Variants in SOBP observed in about 807,000 individuals in gnomAD.
SOBP encodes the protein sine oculis binding protein homolog.
Under a neutral mutation model 53.6 loss-of-function variants are expected in SOBP, and 4 were observed. The observed-to-expected ratio is 0.07, with a 90% confidence interval of 0.04 to 0.17. The LOEUF is 0.17. Among genes scored for constraint, SOBP ranks in the 10% least tolerant of loss-of-function variants. The pLI is 1.00. For missense variants in SOBP, 1,088 were observed against 1,204.7 expected (o/e 0.90, Z 1.43); for synonymous variants, 584 against 522.6 (o/e 1.12, Z -1.60).
chr6:107,643,544 G>A (rs922661576), intron 6 of SOBP, among the ~76,000 whole-genome samples: 36 of 152,076 alleles, frequency 2.4e-4, no homozygotes, highest in Non-Finnish European at 1.5e-5. Context: ...AGCCTCCCAA[G>A]TAGCTGGGAT....
chr6:107,519,193 G>A (rs1418174772), intron 3 of SOBP, among the ~76,000 whole-genome samples: 1 of 148,108 alleles, frequency 6.8e-6, no homozygotes, highest in Non-Finnish European at 1.5e-5. Context: ...GTGTGACTTG[G>A]CCCCCAGGGG....
At chr6:107,633,240 G>C (rs1258493689) in intron 5 of SOBP, among the ~76,000 whole-genome samples, 2 of 152,108 alleles carry the variant, frequency 1.3e-5, no homozygotes, top group African/African-American at 4.8e-5. Context: ...CCTTTTCTCA[G>C]AACCATCTTT....
chr6:107,504,098 C>T (rs1782916129), intron 2 of SOBP, among the ~76,000 whole-genome samples: 1 of 152,228 alleles, frequency 6.6e-6, no homozygotes, highest in Non-Finnish European at 1.5e-5. Context: ...TGTTTGCTAA[C>T]TAGAGTTTCC....
Position 107,661,297 on chromosome 6 carries a change from A to G in SOBP, c.*3094A>G, listed in dbSNP as rs1021268945. ...ATATCAAAACCATATATAAAGAGAA[A>G]TAGAAACAATAATGTATGTAAGTGT... On this transcript the variant is annotated 3_prime_UTR_variant, in exon 7 of 7. Coordinates refer to ENST00000317357, the MANE Select transcript of SOBP (RefSeq NM_018013.4). Among the ~76,000 whole-genome samples, 2 of 152,312 alleles carry G rather than the reference A, an allele frequency of 1.3e-5. No individual in the cohort carries two copies. The highest frequency in any genetic ancestry group is 4.1e-4 in the South Asian group (2 of 4,824).
At position 107,634,495 on chromosome 6, in the gene SOBP, C is replaced by A. The variant is rs1770894274; in HGVS notation, c.1651C>A (p.Pro551Thr). Residue 551 changes from proline (P) to threonine (T), a missense_variant, in exon 6 of 7, where the codon CCC becomes ACC. Coordinates refer to ENST00000317357, the MANE Select transcript of SOBP (RefSeq NM_018013.4). This position sits in a 1 kb window ranked among gnomAD's most constrained non-coding sequence, Gnocchi z 4.5. ...IPIPHVSDSK[P>T]PNGFSSNGEN... ...TATCCCTCACGTCAGCGACTCCAAG[C>A]CCCCCAACGGGTTCTCCAGCAACGG... The A allele has an allele frequency of 1.9e-6, 3 of 1,611,676 alleles. No individual in the cohort carries two copies. The highest frequency in any genetic ancestry group is 2.5e-6 in the Non-Finnish European group (3 of 1,179,902).
Position 107,633,891 on chromosome 6 carries a change from G to A in SOBP, c.1047G>A (p.Val349=), listed in dbSNP as rs1401772572. 3 of 1,614,030 alleles carry A rather than the reference G, an allele frequency of 1.9e-6. No individual in the cohort carries two copies. In the African/African-American group the frequency reaches 4.0e-5, roughly 22 times the overall value. Residue 349 remains valine, a synonymous_variant, in exon 6 of 7, where the codon GTG becomes GTA. Coordinates refer to ENST00000317357, the MANE Select transcript of SOBP (RefSeq NM_018013.4). ...NCSVTKIPTP[V]PKSIPISETP... ...CTGTCACTAAAATCCCCACGCCAGTGCCCAAGTCCATCCCCATCAGCGAGA... is the reference window on the plus strand; with the variant it reads ...CTGTCACTAAAATCCCCACGCCAGTACCCAAGTCCATCCCCATCAGCGAGA...
intron 3 of SOBP, among the ~76,000 whole-genome samples, chr6:107,523,015 T>TG (rs1204699836): frequency 3.9e-5 from 6 of 151,958 alleles, no homozygotes; most frequent in Non-Finnish European, 8.8e-5. Flanking sequence ...GGACTGGAAA[T>TG]GGAGAGGGTT....
At chr6:107,521,883 A>G (rs1251471964) in intron 3 of SOBP, among the ~76,000 whole-genome samples, 2 of 150,254 alleles carry the variant, frequency 1.3e-5, no homozygotes, top group Non-Finnish European at 2.9e-5. Context: ...CCTGGCTCAT[A>G]GTCTGGTGGA....
intron 4 of SOBP, among the ~76,000 whole-genome samples, chr6:107,538,146 G>A (rs1784056262): frequency 6.6e-6 from 1 of 152,158 alleles, no homozygotes; most frequent in Non-Finnish European, 1.5e-5. Context: ...TAATTAGCAT[G>A]TATCATCATG....
At chr6:107,657,389 C>A (rs191207674) in intron 6 of SOBP, among the ~76,000 whole-genome samples, 1 of 152,248 alleles carries the variant, frequency 6.6e-6, no homozygotes, top group Admixed American at 6.5e-5. Context: ...TTCTTCCAGT[C>A]CAGTGCTACT....
At chr6:107,623,365 T>C (rs1017995431) in intron 5 of SOBP, among the ~76,000 whole-genome samples, 1 of 152,218 alleles carries the variant, frequency 6.6e-6, no homozygotes, top group African/African-American at 2.4e-5. Flanking sequence ...GATAGATCCG[T>C]ATTTAGAGCA....
intron 3 of SOBP, chr6:107,514,851 A>C (rs1463418689): frequency 6.6e-6 from 1 of 152,222 alleles, no homozygotes; most frequent in Admixed American, 6.5e-5. Context: ...TTTAACAGGT[A>C]CTTGTTAATT....
chr6:107,580,526 A>G (rs1433185743), intron 4 of SOBP, among the ~76,000 whole-genome samples: 3 of 152,206 alleles, frequency 2.0e-5, no homozygotes, highest in Non-Finnish European at 2.9e-5. Flanking sequence ...TCAGTCTGGT[A>G]GAGGAAATAA....
chr6:107,605,463 C>T (rs2115091699), intron 5 of SOBP, among the ~76,000 whole-genome samples: 1 of 152,356 alleles, frequency 6.6e-6, no homozygotes, highest in South Asian at 2.1e-4. Flanking sequence ...AGTGCATTAA[C>T]ATTTCTTTCC....
chr6:107,559,849 T>C (rs1784724646), intron 4 of SOBP, among the ~76,000 whole-genome samples: 1 of 152,234 alleles, frequency 6.6e-6, no homozygotes, highest in Non-Finnish European at 1.5e-5. Flanking sequence ...TAGACTCTTA[T>C]AATCTAAAGT....
chr6:107,649,953 C>T (rs190883209), intron 6 of SOBP, among the ~76,000 whole-genome samples: 1 of 152,196 alleles, frequency 6.6e-6, no homozygotes, highest in Admixed American at 6.5e-5. Flanking sequence ...AAAAAACAGA[C>T]TGCTCTCCCC....
At chr6:107,649,483 AAAAAG>A (rs1771709876) in intron 6 of SOBP, among the ~76,000 whole-genome samples, 1 of 152,108 alleles carries the variant, frequency 6.6e-6, no homozygotes, top group Non-Finnish European at 1.5e-5. Flanking sequence ...TCTCAAAAAA[AAAAAG>A]AAAACTCCTT....
At chr6:107,500,818 C>T (rs1324223953) in intron 1 of SOBP, among the ~76,000 whole-genome samples, 4 of 152,302 alleles carry the variant, frequency 2.6e-5, no homozygotes, top group East Asian at 1.9e-4. Flanking sequence ...AGCCACCACA[C>T]CCAGCCTTAA....
At chr6:107,498,560 G>A (rs145612718) in intron 1 of SOBP, among the ~76,000 whole-genome samples, 22 of 152,088 alleles carry the variant, frequency 1.4e-4, no homozygotes, top group Non-Finnish European at 2.6e-4. Flanking sequence ...CAAAAATCAC[G>A]TAGTGTCATT....
Sources: allele counts gnomAD v4.1 joint callset (sites outside exome capture counted in the v4.1 genomes callset), GRCh38; gene constraint gnomAD v4.1.1; non-coding constraint Gnocchi (gnomAD v3.1); transcripts MANE v1.5; gene names NCBI Gene and HGNC (gene_info 2026-07-23, HGNC 2026-07-21).